HDAC9: variants seen among roughly 807,000 people sequenced by gnomAD.
The protein encoded by HDAC9 is MEF-2 interacting transcription repressor (MITR) protein.
Under a neutral mutation model 139.4 loss-of-function variants are expected in HDAC9, and 41 were observed. The ratio of observed to expected loss-of-function variants is 0.29; its 90% confidence interval spans 0.23 to 0.38. The LOEUF (loss-of-function observed/expected upper bound fraction) is 0.38, where lower values mean the gene tolerates loss of function less well. Ranked by LOEUF, HDAC9 falls within the 10% of genes least tolerant of loss-of-function variation. HDAC9 has a pLI of 1.00. For missense variants in HDAC9, 1,147 were observed against 1,297.0 expected, an observed-to-expected ratio of 0.88 and a Z score of 1.78; for synonymous variants, 517 against 476.2, an observed-to-expected ratio of 1.09 and a Z score of -1.12.
chr7:18,578,237 GC>G (rs1320764023), intron 2 of HDAC9: 2 of 518,904 alleles, frequency 3.9e-6, no homozygotes, highest in African/African-American at 3.8e-5. Context: ...CAGTAGTGCA[GC>G]CCTAATTCAT....
intron 22 of HDAC9, among the ~76,000 whole-genome samples, chr7:18,916,702 A>G (rs886389934): frequency 6.6e-6 from 1 of 152,044 alleles, no homozygotes; most frequent in African/African-American, 2.4e-5. Flanking sequence ...TATCAGAGCC[A>G]TTACTCCCAA....
At chr7:18,420,349 G>T (rs1161313169) in intron 1 of HDAC9, among the ~76,000 whole-genome samples, 1 of 152,128 alleles carries the variant, frequency 6.6e-6, no homozygotes. Context: ...TAGAGGTAAC[G>T]ATATCAAAGT....
chr7:18,506,231 G>C (rs1406115176), intron 2 of HDAC9, among the ~76,000 whole-genome samples: 1 of 152,194 alleles, frequency 6.6e-6, no homozygotes, highest in Non-Finnish European at 1.5e-5. Flanking sequence ...CTGCCACCTT[G>C]AGAGAAAAGG....
In HDAC9 at chr7:18,169,898, C is replaced by T. The variant is rs371562223; in HGVS notation, c.25+7549C>T. ...GATTGGTTCCAAGTCTTTGCTATTG[C>T]GAATAGTGCCGCAATAAACATACAT... On this transcript the variant is annotated intron_variant, in intron 2 of 12. Transcript: ENST00000417496. 2.2e-4 allele frequency among the ~76,000 whole-genome samples: 33 copies of T among 152,134 alleles called. No individual in the cohort carries two copies. The South Asian group carries it at 4.4e-3, about 20-fold the overall frequency.
chr7:18,851,628 GA>G (rs1432431001), intron 21 of HDAC9, among the ~76,000 whole-genome samples: 1 of 152,164 alleles, frequency 6.6e-6, no homozygotes, highest in African/African-American at 2.4e-5. Flanking sequence ...GCCTTCCCAT[GA>G]AACTGCGTTT....
At chr7:18,745,192 T>C (rs185146384) in intron 13 of HDAC9, among the ~76,000 whole-genome samples, 1 of 152,256 alleles carries the variant, frequency 6.6e-6, no homozygotes, top group African/African-American at 2.4e-5. Flanking sequence ...GGAATGAAGA[T>C]GAAGGATGAG....
At chr7:18,818,668 G>A (rs769507681) in intron 17 of HDAC9, among the ~76,000 whole-genome samples, 4 of 152,116 alleles carry the variant, frequency 2.6e-5, no homozygotes, top group East Asian at 1.9e-4. Flanking sequence ...TCATCTTGAC[G>A]TTTTGTTCTG....
intron 22 of HDAC9, among the ~76,000 whole-genome samples, chr7:18,884,099 C>T (rs1799942343): frequency 6.6e-6 from 1 of 152,074 alleles, no homozygotes; most frequent in Admixed American, 6.6e-5. Context: ...GAAGAATGAA[C>T]ATTGTTAAAG....
At chr7:18,479,705 A>G (rs1050588825) in intron 1 of HDAC9, among the ~76,000 whole-genome samples, 1 of 152,144 alleles carries the variant, frequency 6.6e-6, no homozygotes, top group South Asian at 2.1e-4. Context: ...CATGGACAAA[A>G]TGTATCTCCC....
At chr7:18,305,734 C>A (rs2128618811) in intron 1 of HDAC9, among the ~76,000 whole-genome samples, 1 of 134,870 alleles carries the variant, frequency 7.4e-6, no homozygotes, top group Non-Finnish European at 1.5e-5. Context: ...GATGAGAAGA[C>A]AAGACATATG....
At chr7:18,764,914 A>G (rs1789694930) in intron 15 of HDAC9, among the ~76,000 whole-genome samples, 1 of 152,184 alleles carries the variant, frequency 6.6e-6, no homozygotes, top group Admixed American at 6.5e-5. Context: ...AAAGACATCT[A>G]TAGATGATAA....
chr7:18,629,560 G>T, intron 7 of HDAC9, 79 bp downstream of exon 7: 5 of 1,311,010 alleles, frequency 3.8e-6, no homozygotes, highest in Non-Finnish European at 5.2e-6. Flanking sequence ...TATACCTGCT[G>T]CATATTAAAA....
Position 18,990,008 on chromosome 7 carries a change from C to T in HDAC9, c.3171-6015C>T, listed in dbSNP as rs567035767. On this transcript the variant is annotated intron_variant, in intron 25 of 25. Transcript: ENST00000686413. ...TTTGCCTTTCGTTTGAATGTCCTCC[C>T]GTAGCTCAGAGTAATTTGATCGTCT... 3.9e-4 allele frequency among the ~76,000 whole-genome samples: 60 copies of T among 151,934 alleles called. 1 individual carries two copies. The highest frequency in any genetic ancestry group is 2.8e-3 in the Admixed American group (42 of 15,252).
intron 6 of HDAC9, among the ~76,000 whole-genome samples, chr7:18,628,348 A>G (rs1842249675): frequency 2.6e-5 from 4 of 152,154 alleles, no homozygotes; most frequent in Admixed American, 2.0e-4. Context: ...CAAATTATAA[A>G]TAGGCATAGG....
At chr7:18,163,667 T>A (rs1787813684) in intron 2 of HDAC9, among the ~76,000 whole-genome samples, 2 of 152,216 alleles carry the variant, frequency 1.3e-5, no homozygotes, top group Admixed American at 1.3e-4. Context: ...TGAGCGGCAT[T>A]GCTTATTACA....
chr7:18,467,765 C>T (rs1315705783), intron 1 of HDAC9, among the ~76,000 whole-genome samples: 1 of 152,154 alleles, frequency 6.6e-6, no homozygotes, highest in East Asian at 1.9e-4. Flanking sequence ...GTTGCCCAAA[C>T]TCCACAGTTT....
At chr7:18,696,836 G>A (rs1262451188) in intron 12 of HDAC9, among the ~76,000 whole-genome samples, 1 of 151,648 alleles carries the variant, frequency 6.6e-6, no homozygotes, top group Non-Finnish European at 1.5e-5. Context: ...TCACAATATT[G>A]AACAACCATT....
At chr7:18,173,439 T>A (rs1000682336) in intron 2 of HDAC9, among the ~76,000 whole-genome samples, 6 of 152,226 alleles carry the variant, frequency 3.9e-5, no homozygotes, top group African/African-American at 1.4e-4. Context: ...ATTGGGGCAT[T>A]TAGCCCATTT....
chr7:18,660,587 G>A lies in HDAC9; in HGVS notation c.1468-5626G>A, dbSNP rs188523071. 8.5e-5 allele frequency among the ~76,000 whole-genome samples: 13 copies of A among 152,200 alleles called. No individual in the cohort carries two copies. In the East Asian group the frequency reaches 2.3e-3, roughly 27 times the overall value. The stretch of plus-strand genomic sequence containing the variant: ...CCCTATGAGATTTATATTATAGTCT[G>A]GGAGATAACTATATTGTAAACAAAG... On this transcript the variant is annotated intron_variant, in intron 11 of 25. Coordinates refer to ENST00000686413, the MANE Select transcript of HDAC9 (RefSeq NM_178425.4).
Sources: allele counts gnomAD v4.1 joint callset (sites outside exome capture counted in the v4.1 genomes callset), GRCh38; gene constraint gnomAD v4.1.1; transcripts MANE v1.5; gene names NCBI Gene and HGNC (gene_info 2026-07-23, HGNC 2026-07-21).